ATP8A2: variants seen among roughly 807,000 people sequenced by gnomAD.
ATP8A2 encodes ATPase phospholipid transporting 8A2.
Under a neutral mutation model 165.6 loss-of-function variants are expected in ATP8A2, and 100 were observed. That is an observed-to-expected ratio of 0.60 (90% CI 0.51 to 0.71). The LOEUF (loss-of-function observed/expected upper bound fraction) is 0.71, where lower values mean the gene tolerates loss of function less well. Among genes scored for constraint, ATP8A2 ranks in the 30% least tolerant of loss-of-function variants. The pLI is 0.00. For missense variants in ATP8A2, 1,227 were observed against 1,479.5 expected (o/e 0.83, Z 2.80); for synonymous variants, 543 against 548.8 (o/e 0.99, Z 0.15).
At chr13:26,013,674 C>CAAA (rs752985920) in intron 36 of ATP8A2, among the ~76,000 whole-genome samples, 56 of 144,334 alleles carry the variant, frequency 3.9e-4, no homozygotes, top group Middle Eastern at 3.5e-3. Context: ...AACTTGGTCT[C>CAAA]AAAAAAAAAA....
intron 33 of ATP8A2, among the ~76,000 whole-genome samples, chr13:25,937,558 G>C (rs1374616408): frequency 6.6e-6 from 1 of 150,870 alleles, no homozygotes; most frequent in Non-Finnish European, 1.5e-5. Flanking sequence ...CAATTAAAAG[G>C]AACAAAGACA....
chr13:25,373,453 A>T (rs1286243963), intron 1 of ATP8A2, among the ~76,000 whole-genome samples: 2 of 152,148 alleles, frequency 1.3e-5, no homozygotes, highest in Non-Finnish European at 2.9e-5. Context: ...GGTCAAGACT[A>T]AATAGCAGGG....
chr13:25,591,755 G>A (rs1294640591), intron 24 of ATP8A2, among the ~76,000 whole-genome samples: 2 of 151,898 alleles, frequency 1.3e-5, no homozygotes, highest in Non-Finnish European at 2.9e-5. Context: ...GCTAATTTTT[G>A]TATTTTTAGT....
chr13:25,644,682 T>A (rs546174729), intron 24 of ATP8A2, among the ~76,000 whole-genome samples: 14 of 152,280 alleles, frequency 9.2e-5, no homozygotes, highest in Admixed American at 2.6e-4. Flanking sequence ...CATCTAGCCT[T>A]GGGATTTTCT....
At chr13:25,512,740 C>T (rs1210751313) in intron 2 of ATP8A2, among the ~76,000 whole-genome samples, 7 of 142,986 alleles carry the variant, frequency 4.9e-5, no homozygotes, top group African/African-American at 1.6e-4. Context: ...GGGGCTGACC[C>T]CCCCCACCTC....
intron 26 of ATP8A2, among the ~76,000 whole-genome samples, chr13:25,771,999 A>G (rs2044630424): frequency 1.3e-5 from 2 of 152,168 alleles, no homozygotes; most frequent in South Asian, 4.1e-4. Context: ...CAGAAAGAAA[A>G]AAATGTTAGC....
intron 1 of ATP8A2, among the ~76,000 whole-genome samples, chr13:25,460,378 A>G (rs753478638): frequency 1.3e-5 from 2 of 152,188 alleles, no homozygotes; most frequent in East Asian, 1.9e-4. Flanking sequence ...TTGGGGTCCT[A>G]CGAGCAATGG....
chr13:25,540,238 A>C, intron 7 of ATP8A2, 81 bp from the exon 8 acceptor site: 1 of 1,040,582 alleles, frequency 9.6e-7, no homozygotes, highest in South Asian at 1.3e-5. Flanking sequence ...GCAGACACAG[A>C]TTCCATAATA....
chr13:25,926,628 G>A (rs1452332084), intron 33 of ATP8A2, among the ~76,000 whole-genome samples: 3 of 152,022 alleles, frequency 2.0e-5, no homozygotes, highest in Non-Finnish European at 4.4e-5. Context: ...GGGATTTGGG[G>A]ATCATGTCCC....
Position 25,372,130 on chromosome 13 carries a change from C to A in ATP8A2, c.-83C>A. ...GGCGAGGCGCTGGCCCACCCATGGT[C>A]CTCGGGCGGCGGCCCCTGCGCCCAG... On this transcript the variant is annotated 5_prime_UTR_variant, in exon 1 of 37. Coordinates refer to ENST00000381655, the MANE Select transcript of ATP8A2 (RefSeq NM_016529.6). This position sits in a 1 kb window ranked among gnomAD's most constrained non-coding sequence, Gnocchi z 4.8. 3.0e-6 allele frequency: 3 copies of A among 1,000,264 alleles called. No homozygotes were observed. Among genetic ancestry groups the A allele is most frequent in the Non-Finnish European group, 3.9e-6 (3 of 767,360 alleles). The allele number at this position is 1,000,264 out of a possible 1,614,324, so 62.0% of individuals were successfully genotyped here.
rs2036505053 is a variant in ATP8A2 at position 25,490,753 on chromosome 13, GTTTT to G, written c.221+21635_221+21638del. On this transcript the variant is annotated intron_variant, in intron 2 of 36. Transcript: ENST00000381655. ...TTTTTTTTTGTTTGTTTGTTTGTTTGTTTTTTGTTTTTTGTTTTTTTTGGAGAGG... is the reference window on the plus strand; with the variant it reads ...TTTTTTTTTGTTTGTTTGTTTGTTTGTTGTTTTTTGTTTTTTTTGGAGAGG... Among the ~76,000 whole-genome samples, 24 of 148,920 alleles carry G rather than the reference GTTTT, an allele frequency of 1.6e-4. No individual in the cohort carries two copies. In the South Asian group the frequency reaches 5.0e-3, roughly 31 times the overall value.
intron 24 of ATP8A2, among the ~76,000 whole-genome samples, chr13:25,696,007 T>C (rs777455917): frequency 1.3e-5 from 2 of 152,236 alleles, no homozygotes; most frequent in Non-Finnish European, 2.9e-5. Flanking sequence ...ATTTCTTAAA[T>C]AATAAGACTT....
intron 19 of ATP8A2, 23 bp from the exon 20 acceptor site, chr13:25,577,046 C>G: frequency 8.2e-7 from 1 of 1,225,432 alleles, no homozygotes; most frequent in Non-Finnish European, 1.1e-6. Context: ...CCAATGATGA[C>G]TTTTTTTTTT....
At chr13:25,879,380 T>C (rs1010579136) in intron 33 of ATP8A2, among the ~76,000 whole-genome samples, 46 of 152,264 alleles carry the variant, frequency 3.0e-4, no homozygotes, top group African/African-American at 1.1e-3. Flanking sequence ...CCAGCCAGGA[T>C]CTTTGGTTAC....
intron 1 of ATP8A2, among the ~76,000 whole-genome samples, chr13:25,436,889 A>G (rs9511805): frequency 0.61 from 92,130 of 151,386 alleles, 30,250 homozygotes; most frequent in East Asian, 0.99. Flanking sequence ...TGATCTTCCC[A>G]CCTCAGCCTC....
intron 2 of ATP8A2, among the ~76,000 whole-genome samples, chr13:25,501,868 G>A (rs1311474294): frequency 6.6e-6 from 1 of 152,194 alleles, no homozygotes; most frequent in Non-Finnish European, 1.5e-5. Flanking sequence ...AAAGGAGTAG[G>A]ACTAGAAGAA....
intron 1 of ATP8A2, among the ~76,000 whole-genome samples, chr13:25,423,101 C>T (rs1038454054): frequency 6.6e-6 from 1 of 152,130 alleles, no homozygotes; most frequent in African/African-American, 2.4e-5. Context: ...GGCATCATGA[C>T]GGAAGGCATC....
rs1164978089 is a variant in ATP8A2, at chr13:25,882,953, A to G, written c.3183+20545A>G. On this transcript the variant is annotated intron_variant, in intron 33 of 36. Transcript: ENST00000381655. ...GATGATGATGATGGTGATGGTGATG[A>G]TGGTGATGGTGATGATGATGGCAGC... Among the ~76,000 whole-genome samples, 58 of 146,422 alleles carry G rather than the reference A, an allele frequency of 4.0e-4. 3 individuals are homozygous for G. The highest frequency in any genetic ancestry group is 3.2e-3 in the South Asian group (15 of 4,654).
In ATP8A2 at chr13:25,953,003, A is replaced by G. The variant is rs1438740181; in HGVS notation, c.3184-8572A>G. Among the ~76,000 whole-genome samples, 1 of 152,336 alleles carries G rather than the reference A, an allele frequency of 6.6e-6. No homozygotes were observed. Among genetic ancestry groups the G allele is most frequent in the East Asian group, 1.9e-4 (1 of 5,180 alleles). On this transcript the variant is annotated intron_variant, in intron 33 of 36. Coordinates refer to ENST00000381655, the MANE Select transcript of ATP8A2 (RefSeq NM_016529.6). This position sits in a 1 kb window ranked among gnomAD's most constrained non-coding sequence, Gnocchi z 6.7. The stretch of plus-strand genomic sequence containing the variant: ...GCTCCCTTGACGTTTGAATGGAAAG[A>G]AATTTTAGGAGGCAACACTGAGGGG...
Sources: allele counts gnomAD v4.1 joint callset (sites outside exome capture counted in the v4.1 genomes callset), GRCh38; gene constraint gnomAD v4.1.1; non-coding constraint Gnocchi (gnomAD v3.1); transcripts MANE v1.5; gene names NCBI Gene and HGNC (gene_info 2026-07-23, HGNC 2026-07-21).